GBE1: variants seen among roughly 807,000 people sequenced by gnomAD.
GBE1 encodes the protein 1,4-alpha-glucan branching enzyme 1, also known as 1,4-alpha-glucan-branching enzyme.
Under a neutral mutation model 88.8 loss-of-function variants are expected in GBE1, and 70 were observed. The observed-to-expected ratio is 0.79, with a 90% CI of 0.65 to 0.96. The LOEUF is 0.96. Ranked by LOEUF, GBE1 falls within the 40% of genes least tolerant of loss-of-function variation. The pLI, the probability that GBE1 is intolerant of heterozygous loss-of-function variation, is 0.00. For missense variants in GBE1, 872 were observed against 871.0 expected (o/e 1.00, Z -0.01); for synonymous variants, 284 against 300.1 (o/e 0.95, Z 0.56).
At chr3:81,759,242 A>G (rs1009741618) in intron 1 of GBE1, among the ~76,000 whole-genome samples, 3 of 152,232 alleles carry the variant, frequency 2.0e-5, no homozygotes, top group African/African-American at 7.2e-5. Flanking sequence ...TCCTAAGGGA[A>G]CATCCAAAAA....
chr3:81,737,975 TC>T (rs1441124794), intron 1 of GBE1, among the ~76,000 whole-genome samples: 1 of 152,088 alleles, frequency 6.6e-6, no homozygotes, highest in East Asian at 1.9e-4. Context: ...ATTGTTCAAT[TC>T]CCACCTGTGA....
At chr3:81,739,707 T>C (rs2107217253) in intron 1 of GBE1, among the ~76,000 whole-genome samples, 2 of 152,286 alleles carry the variant, frequency 1.3e-5, no homozygotes, top group East Asian at 3.9e-4. Context: ...GAGGTTTCAT[T>C]ACTGACTTGA....
At chr3:81,565,450 G>T (rs1010806312) in intron 12 of GBE1, among the ~76,000 whole-genome samples, 11 of 152,098 alleles carry the variant, frequency 7.2e-5, no homozygotes, top group African/African-American at 2.7e-4. Context: ...AACCACAGAT[G>T]GAAGATTTGA....
At position 81,693,671 on chromosome 3, in the gene GBE1, T is replaced by C. The variant is rs2680270; in HGVS notation, c.313+11773A>G. On this transcript the variant is annotated intron_variant, in intron 2 of 15. Transcript: ENST00000429644. ...GCAGGGGTAGATGAGAAAGAAGCTA[T>C]TGAATTTAAATTCTGGATCTTTCAT... is the stretch of plus-strand genomic sequence containing the variant. Among the ~76,000 whole-genome samples, 1,449 of 152,282 alleles carry C rather than the reference T, an allele frequency of 9.5e-3. 17 individuals are homozygous for C. Among genetic ancestry groups the C allele is most frequent in the African/African-American group, 0.033 (1,382 of 41,564 alleles).
intron 1 of GBE1, among the ~76,000 whole-genome samples, chr3:81,741,145 A>G (rs991585554): frequency 1.3e-5 from 2 of 152,214 alleles, no homozygotes; most frequent in Non-Finnish European, 1.5e-5. Flanking sequence ...AATACCGTCT[A>G]TATAAAAACA....
At chr3:81,522,429 A>G (rs941753450) in intron 14 of GBE1, among the ~76,000 whole-genome samples, 3 of 151,492 alleles carry the variant, frequency 2.0e-5, no homozygotes, top group African/African-American at 7.3e-5. Flanking sequence ...GTACCTCACA[A>G]AAGGAAGATG....
Position 81,642,952 on chromosome 3 carries a change from T to C in GBE1, c.821A>G (p.Asp274Gly). The stretch of plus-strand genomic sequence containing the variant: ...TATGATACCCATGGAATGAGCTGTG[T>C]CTACCAGTTCTTGTAGCTCTTCAGG... Reference protein sequence around the residue: ...GTPEELQELVDTAHSMGIIVL... With the variant: ...GTPEELQELVGTAHSMGIIVL... The change falls in exon 7 of 16, where the codon GAC (aspartate) becomes GGC (glycine). Residue 274 changes from aspartate to glycine, a missense_variant. Physicochemically the swap from Asp to Gly is moderately conservative, Grantham distance 94. Transcript: ENST00000429644. 6.2e-7 allele frequency: 1 copy of C among 1,612,636 alleles called. No individual in the cohort carries two copies. Among genetic ancestry groups the C allele is most frequent in the Non-Finnish European group, 8.5e-7 (1 of 1,179,102 alleles).
At chr3:81,747,276 TGAAA>T (rs1404966598) in intron 1 of GBE1, among the ~76,000 whole-genome samples, 1 of 152,192 alleles carries the variant, frequency 6.6e-6, no homozygotes, top group Non-Finnish European at 1.5e-5. Flanking sequence ...TTTTGCTCTG[TGAAA>T]GACTCTGTTT....
At chr3:81,636,916 C>T (rs1424827817) in intron 7 of GBE1, among the ~76,000 whole-genome samples, 1 of 152,072 alleles carries the variant, frequency 6.6e-6, no homozygotes. Context: ...AAATTCAGTG[C>T]TTTGAAATCT....
intron 1 of GBE1, among the ~76,000 whole-genome samples, chr3:81,723,877 T>G (rs1302806745): frequency 1.3e-5 from 2 of 152,236 alleles, no homozygotes; most frequent in Admixed American, 1.3e-4. Context: ...TCACGGCCAG[T>G]ATGCAGTACT....
chr3:81,648,164 T>C (rs1321921657), intron 5 of GBE1, among the ~76,000 whole-genome samples: 3 of 152,140 alleles, frequency 2.0e-5, no homozygotes, highest in African/African-American at 7.2e-5. Flanking sequence ...TTGGACTCTC[T>C]AGCAGAAGCA....
At chr3:81,674,378 T>C (rs1018925258) in intron 2 of GBE1, among the ~76,000 whole-genome samples, 7 of 151,956 alleles carry the variant, frequency 4.6e-5, no homozygotes, top group Non-Finnish European at 8.8e-5. Flanking sequence ...ATCATTGGAT[T>C]TGGATCTGTG....
At chr3:81,692,003 T>C (rs1227073038) in intron 2 of GBE1, among the ~76,000 whole-genome samples, 1 of 152,054 alleles carries the variant, frequency 6.6e-6, no homozygotes, top group East Asian at 1.9e-4. Flanking sequence ...TAAACCTTAT[T>C]ACCCATGCCT....
chr3:81,715,257 A>G (rs1292714641), intron 1 of GBE1, among the ~76,000 whole-genome samples: 2 of 152,150 alleles, frequency 1.3e-5, no homozygotes, highest in African/African-American at 4.8e-5. Flanking sequence ...GGTGTCTATC[A>G]AGATCAAATG....
chr3:81,504,153 C>T (rs1261153580), intron 14 of GBE1, among the ~76,000 whole-genome samples: 1 of 152,124 alleles, frequency 6.6e-6, no homozygotes, highest in East Asian at 1.9e-4. Context: ...GGCCCCACCT[C>T]CAACACTGGG....
chr3:81,560,688 C>T (rs1703404531), intron 12 of GBE1, among the ~76,000 whole-genome samples: 1 of 151,894 alleles, frequency 6.6e-6, no homozygotes, highest in South Asian at 2.1e-4. Context: ...GCTCAGGCAC[C>T]TATCACATTT....
chr3:81,626,737 T>A (rs1460525607), intron 7 of GBE1, among the ~76,000 whole-genome samples: 4 of 141,446 alleles, frequency 2.8e-5, no homozygotes, highest in Admixed American at 7.2e-5. Flanking sequence ...TCAGACTCAT[T>A]AAAAAAAAAA....
At chr3:81,526,420 G>A (rs1576132733) in intron 14 of GBE1, among the ~76,000 whole-genome samples, 1 of 152,164 alleles carries the variant, frequency 6.6e-6, no homozygotes, top group East Asian at 1.9e-4. Context: ...AGGAAAAGAG[G>A]AAGTCAAATT....
At chr3:81,720,753 T>A (rs550546447) in intron 1 of GBE1, among the ~76,000 whole-genome samples, 1 of 152,014 alleles carries the variant, frequency 6.6e-6, no homozygotes, top group Admixed American at 6.6e-5. Flanking sequence ...CATGCACACG[T>A]ATGTTTATTG....
Sources: gnomAD v4.1 joint callset for allele counts (sites outside exome capture counted in the v4.1 genomes callset) on GRCh38, gnomAD v4.1.1 for gene constraint, MANE v1.5 for transcripts, NCBI Gene and HGNC (gene_info 2026-07-23, HGNC 2026-07-21) for gene names.